The following FNBP4 variants were observed in gnomAD, a reference collection of about 807,000 sequenced individuals.
The protein encoded by FNBP4 is formin-binding protein 4.
In FNBP4, 34 loss-of-function variants were observed where a neutral mutation model predicts 119.3. That is an observed-to-expected ratio of 0.28 (90% CI 0.22 to 0.38). The LOEUF (loss-of-function observed/expected upper bound fraction) is 0.38. Among genes scored for constraint, FNBP4 ranks in the 10% least tolerant of loss-of-function variants. The pLI, the probability that FNBP4 is intolerant of heterozygous loss-of-function variation, is 1.00. For missense variants in FNBP4, 1,112 were observed against 1,228.9 expected, an observed-to-expected ratio of 0.90 and a Z score of 1.42; for synonymous variants, 462 against 430.6, an observed-to-expected ratio of 1.07 and a Z score of -0.90.
At chr11:47,749,929 A>G (rs1221002848) in intron 6 of FNBP4, among the ~76,000 whole-genome samples, 1 of 152,212 alleles carries the variant, frequency 6.6e-6, no homozygotes, top group Non-Finnish European at 1.5e-5. Flanking sequence ...AGTAGTTTTT[A>G]AAGTAGTTAC....
intron 5 of FNBP4, 49 bp from the exon 6 acceptor site, chr11:47,751,085 G>A: frequency 6.2e-7 from 1 of 1,612,480 alleles, no homozygotes; most frequent in Non-Finnish European, 8.5e-7. Flanking sequence ...AATACTATCA[G>A]CAAAAGATAA....
chr11:47,749,399 T>TA (rs980121753), intron 6 of FNBP4, among the ~76,000 whole-genome samples: 15 of 150,504 alleles, frequency 1.0e-4, no homozygotes, highest in South Asian at 2.1e-4. Flanking sequence ...TCGTCTCTAC[T>TA]AAAAAAAAAT....
intron 14 of FNBP4, 131 bp from the exon 15 acceptor site, chr11:47,723,447 A>G (rs986792102): frequency 3.6e-6 from 5 of 1,400,138 alleles, no homozygotes; most frequent in Admixed American, 2.7e-5. Flanking sequence ...AAGCATAGCC[A>G]TATTTGCTGG....
At chr11:47,746,484 T>A in intron 6 of FNBP4, 90 bp from the exon 7 acceptor site, 2 of 1,153,182 alleles carry the variant, frequency 1.7e-6, no homozygotes, top group Non-Finnish European at 2.4e-6. Flanking sequence ...TCATATTAAC[T>A]GTTTTCAGTA....
Position 47,751,146 on chromosome 11 carries a change from G to T in FNBP4, c.782C>A (p.Pro261His), listed in dbSNP as rs770138282. ...TQVQGLQHYQ[P>H]SSVPGAETSF... is the part of the protein sequence containing the mutation. ...TCACTTTTAAATTTATTCTTACCTG[G>T]GCTGGTAATGCTGTAATCCCTGTAC... Residue 261 changes from proline (P) to histidine (H), a missense_variant, in exon 5 of 17, where the codon CCC becomes CAC. Around this residue, in one of 2 missense-constraint regions of FNBP4, gnomAD observed 826 missense variants for 988.8 expected, o/e 0.84. Coordinates refer to ENST00000263773, the MANE Select transcript of FNBP4 (RefSeq NM_015308.5). The T allele has an allele frequency of 6.2e-7, 1 of 1,613,928 alleles. No homozygotes were observed.
chr11:47,727,311 G>A (rs892617389), intron 12 of FNBP4, among the ~76,000 whole-genome samples: 3 of 147,780 alleles, frequency 2.0e-5, no homozygotes, highest in African/African-American at 5.0e-5. Context: ...GTGCAGTGAC[G>A]CAATCTTGGC....
intron 3 of FNBP4, 93 bp downstream of exon 3, chr11:47,754,435 G>T: frequency 8.6e-7 from 1 of 1,168,682 alleles, no homozygotes; most frequent in Non-Finnish European, 1.2e-6. Flanking sequence ...AAAGGAGGAG[G>T]AAGACATTGA....
In FNBP4 at chr11:47,732,591, AGTT is replaced by A; in HGVS notation, c.1763_1765del (p.Gln588del). 1.2e-6 allele frequency: 2 copies of A among 1,614,062 alleles called. No homozygotes were observed. Among genetic ancestry groups the A allele is most frequent in the Non-Finnish European group, 1.7e-6 (2 of 1,179,970 alleles). Reference sequence around the variant, plus strand: ...AGTGGCGTTTATTTCATACTGTTTTAGTTGTTCTGCTGCATCCTGAAGTTTTCG... The same window carrying A: ...AGTGGCGTTTATTTCATACTGTTTTAGTTCTGCTGCATCCTGAAGTTTTCG... On this transcript the variant is annotated inframe_deletion, in exon 11 of 17. Coordinates refer to ENST00000263773, the MANE Select transcript of FNBP4 (RefSeq NM_015308.5). This position sits in a 1 kb window ranked among gnomAD's most constrained non-coding sequence, Gnocchi z 4.2.
intron 2 of FNBP4, among the ~76,000 whole-genome samples, chr11:47,762,872 T>C (rs866720856): frequency 1.5e-5 from 2 of 131,512 alleles, no homozygotes; most frequent in African/African-American, 5.3e-5. Flanking sequence ...ATCACGCCAC[T>C]GCACTCCAGC....
In FNBP4 at chr11:47,720,011, C is replaced by A; in HGVS notation, c.2881G>T (p.Asp961Tyr). ...QSIQRELDEE[D>Y]NSSSSEEDRE... ...TCCTCTTCACTGGAACTAGAATTGT[C>A]CTCTTCATCTAACTCACGCTGGATA... Residue 961 changes from aspartate to tyrosine, a missense_variant, in exon 16 of 17, where the codon GAC becomes TAC. By Grantham distance (160) the Asp-to-Tyr change is radical. This residue lies in a region of FNBP4 where 826 missense variants were observed against 988.8 expected (regional missense o/e 0.84). Coordinates refer to ENST00000263773, the MANE Select transcript of FNBP4 (RefSeq NM_015308.5). 3 of 1,614,088 alleles carry A rather than the reference C, an allele frequency of 1.9e-6. No homozygotes were observed. The highest frequency in any genetic ancestry group is 2.5e-6 in the Non-Finnish European group (3 of 1,180,004).
chr11:47,747,428 G>A (rs771322632), intron 6 of FNBP4, among the ~76,000 whole-genome samples: 120 of 152,010 alleles, frequency 7.9e-4, no homozygotes, highest in Middle Eastern at 3.4e-3. Flanking sequence ...GGCTGGTCTC[G>A]AACTCCTGAC....
rs1167976570 is a variant in FNBP4 at position 47,765,851 on chromosome 11, C to CT, written c.221-490dup. Among the ~76,000 whole-genome samples, 92 of 82,188 alleles carry CT rather than the reference C, an allele frequency of 1.1e-3. 3 individuals are homozygous for CT. The highest frequency in any genetic ancestry group is 3.8e-3 in the African/African-American group (84 of 22,254). 53.9% of individuals were successfully genotyped at this position (82,188 alleles called of 152,430 possible). ...GAGATAATAAACACAGAGCTGGAAT[C>CT]TTTTTTTTTTTTTTTTTTTGAGACG... On this transcript the variant is annotated intron_variant, in intron 1 of 16. Coordinates refer to ENST00000263773, the MANE Select transcript of FNBP4 (RefSeq NM_015308.5).
rs1332186504 is a variant in FNBP4, at chr11:47,767,296, C to T, written c.-8G>A. The T allele has an allele frequency of 6.7e-7, 1 of 1,502,054 alleles. No homozygotes were observed. Among genetic ancestry groups the T allele is most frequent in the East Asian group, 2.5e-5 (1 of 39,742 alleles). The allele number at this position is 1,502,054 out of a possible 1,614,324, so 93.0% of individuals were successfully genotyped here. ...CCGGGACTTCTTCCCCATCGCGAGC[C>T]CAAGCGCGAGCAGAGAGCGTCGGGC... On this transcript the variant is annotated 5_prime_UTR_variant, in exon 1 of 17. Coordinates refer to ENST00000263773, the MANE Select transcript of FNBP4 (RefSeq NM_015308.5).
intron 12 of FNBP4, chr11:47,726,563 G>A (rs754938175): frequency 5.9e-5 from 9 of 151,864 alleles, no homozygotes; most frequent in Non-Finnish European, 1.2e-4. Flanking sequence ...TTTTAAGACA[G>A]CTGCTTACTG....
At chr11:47,723,641 T>C (rs777290324) in intron 14 of FNBP4, among the ~76,000 whole-genome samples, 19 of 152,186 alleles carry the variant, frequency 1.2e-4, no homozygotes, top group Non-Finnish European at 2.2e-4. Context: ...CACAGCTCAC[T>C]GCAGCCTCAA....
intron 12 of FNBP4, 82 bp from the exon 13 acceptor site, chr11:47,724,860 T>A: frequency 6.7e-7 from 1 of 1,490,148 alleles, no homozygotes; most frequent in Non-Finnish European, 8.9e-7. Flanking sequence ...AACTGGTCAG[T>A]AAGATAATCA....
chr11:47,764,627 A>G (rs916137948), intron 2 of FNBP4, among the ~76,000 whole-genome samples: 3 of 152,006 alleles, frequency 2.0e-5, no homozygotes, highest in African/African-American at 7.2e-5. Flanking sequence ...AAAAGAAATT[A>G]CTACCAATTA....
At chr11:47,764,985 G>A (rs1434617367) in intron 2 of FNBP4, among the ~76,000 whole-genome samples, 1 of 151,988 alleles carries the variant, frequency 6.6e-6, no homozygotes, top group African/African-American at 2.4e-5. Flanking sequence ...CATGCCTAAT[G>A]AACACCAAGC....
intron 2 of FNBP4, among the ~76,000 whole-genome samples, chr11:47,755,160 T>C (rs946497847): frequency 8.0e-6 from 1 of 125,646 alleles, no homozygotes; most frequent in Admixed American, 8.5e-5. Context: ...AAAAAAAAAA[T>C]TGATCTGGGC....
Sources: allele counts gnomAD v4.1 joint callset (sites outside exome capture counted in the v4.1 genomes callset), GRCh38; gene constraint gnomAD v4.1.1; regional missense constraint gnomAD v4.1.1; non-coding constraint Gnocchi (gnomAD v3.1); transcripts MANE v1.5; gene names NCBI Gene and HGNC (gene_info 2026-07-23, HGNC 2026-07-21).